PCTP: variants seen among roughly 807,000 people sequenced by gnomAD.
The protein encoded by PCTP is phosphatidylcholine transfer protein, also known as START domain-containing protein 2.
A neutral mutation model predicts 31.0 loss-of-function variants in PCTP; 27 were observed. The observed-to-expected ratio is 0.87, with a 90% CI of 0.64 to 1.20. The LOEUF is 1.20. Among genes scored for constraint, PCTP ranks in the 50% most tolerant of loss-of-function variants. The probability of loss-of-function intolerance (pLI) is 0.00; values close to 1 mark genes in which losing one functional copy is unlikely to be tolerated. For synonymous variants in PCTP, 108 were observed against 101.2 expected (o/e 1.07, Z -0.40); for missense variants, 287 against 268.2 (o/e 1.07, Z -0.49).
rs182882305 is a variant in PCTP, at chr17:55,767,323, C to T, written c.142-12C>T. 1.3e-6 allele frequency: 2 copies of T among 1,526,618 alleles called. No homozygotes were observed. The highest frequency in any genetic ancestry group is 2.3e-5 in the East Asian group (1 of 44,326). 94.6% of individuals were successfully genotyped at this position (1,526,618 alleles called of 1,614,324 possible). A position where few individuals can be genotyped will look rare whatever the true frequency, so the allele number is the denominator to read the frequency against. ...GAACCAATAGACATTTCTACCTGTT[C>T]TGTTTTTATAGAAGACTGGACTTTA... is the stretch of plus-strand genomic sequence containing the variant. On this transcript the variant is annotated splice_polypyrimidine_tract_variant and intron_variant, in intron 1 of 5. Coordinates refer to ENST00000268896, the MANE Select transcript of PCTP (RefSeq NM_021213.4).
intron 5 of PCTP, among the ~76,000 whole-genome samples, chr17:55,839,257 G>A (rs181614163): frequency 1.1e-4 from 17 of 152,230 alleles, no homozygotes; most frequent in African/African-American, 3.4e-4. Context: ...TAGAGATGAG[G>A]TATGCAAAGT....
At chr17:55,791,147 A>G (rs1358365809) in intron 3 of PCTP, among the ~76,000 whole-genome samples, 1 of 151,980 alleles carries the variant, frequency 6.6e-6, no homozygotes, top group East Asian at 1.9e-4. Context: ...CTTATACAAA[A>G]ATCAATTCAA....
intron 2 of PCTP, among the ~76,000 whole-genome samples, chr17:55,782,651 A>C (rs1313511462): frequency 6.6e-6 from 1 of 152,130 alleles, no homozygotes; most frequent in Admixed American, 6.5e-5. Context: ...CAACACTTTT[A>C]ATCTTCCTTC....
intron 2 of PCTP, chr17:55,769,659 C>T (rs1910871264): frequency 6.6e-6 from 1 of 152,234 alleles, no homozygotes; most frequent in South Asian, 2.1e-4. Context: ...GGAAATCTCA[C>T]TCTGGTCCAT....
At chr17:55,789,388 A>G (rs888116232) in intron 3 of PCTP, among the ~76,000 whole-genome samples, 3 of 152,216 alleles carry the variant, frequency 2.0e-5, no homozygotes, top group Non-Finnish European at 4.4e-5. Context: ...GTTCAGATAC[A>G]GGATTAATGT....
At chr17:55,791,308 A>C (rs1911965271) in intron 3 of PCTP, among the ~76,000 whole-genome samples, 1 of 150,664 alleles carries the variant, frequency 6.6e-6, no homozygotes, top group African/African-American at 2.4e-5. Flanking sequence ...GACAAATGGG[A>C]TCTAATTAAA....
chr17:55,792,772 A>T (rs963229965), intron 3 of PCTP, among the ~76,000 whole-genome samples: 1 of 152,142 alleles, frequency 6.6e-6, no homozygotes, highest in Non-Finnish European at 1.5e-5. Context: ...TTACTCACTC[A>T]CATGCAGTAT....
At chr17:55,758,739 A>G (rs753594126) in intron 1 of PCTP, among the ~76,000 whole-genome samples, 3 of 152,170 alleles carry the variant, frequency 2.0e-5, no homozygotes, top group African/African-American at 4.8e-5. Context: ...TGAGTGTGCA[A>G]CTGGGTAGAT....
At chr17:55,791,238 G>C (rs1000536131) in intron 3 of PCTP, among the ~76,000 whole-genome samples, 5 of 152,080 alleles carry the variant, frequency 3.3e-5, no homozygotes, top group African/African-American at 1.2e-4. Context: ...TCAGGACACA[G>C]GCATGGGCAA....
At chr17:55,796,985 A>G (rs1006980279) in intron 3 of PCTP, among the ~76,000 whole-genome samples, 2 of 152,092 alleles carry the variant, frequency 1.3e-5, no homozygotes, top group East Asian at 3.9e-4. Flanking sequence ...TAGTTCAAGG[A>G]TAATATTACT....
chr17:55,774,371 C>T (rs1911189021), intron 4 of PCTP, among the ~76,000 whole-genome samples: 1 of 152,122 alleles, frequency 6.6e-6, no homozygotes, highest in African/African-American at 2.4e-5. Flanking sequence ...AGGCCACCTG[C>T]TCTACCAGAA....
At chr17:55,762,197 T>G (rs1179565376) in intron 1 of PCTP, among the ~76,000 whole-genome samples, 1 of 152,086 alleles carries the variant, frequency 6.6e-6, no homozygotes, top group Admixed American at 6.6e-5. Context: ...TGGCTCAGGT[T>G]TAGGATGGGC....
At chr17:55,777,484 A>G (rs542051621), downstream of PCTP, 18 of 839,216 alleles carry the variant, frequency 2.1e-5, no homozygotes, top group Admixed American at 1.1e-3. Flanking sequence ...ACTTAAACAT[A>G]AAACATAATT....
downstream of PCTP, among the ~76,000 whole-genome samples, chr17:55,826,657 A>G (rs1417699909): frequency 6.6e-6 from 1 of 152,164 alleles, no homozygotes; most frequent in Non-Finnish European, 1.5e-5. Context: ...ATTGGCATCA[A>G]AGAACCTTCC....
intron 1 of PCTP, among the ~76,000 whole-genome samples, chr17:55,761,423 T>C (rs1257548222): frequency 6.6e-6 from 1 of 151,392 alleles, no homozygotes; most frequent in Non-Finnish European, 1.5e-5. Flanking sequence ...CTGCCTGGTT[T>C]CTTCTTGGGA....
intron 1 of PCTP, among the ~76,000 whole-genome samples, chr17:55,763,276 TA>T (rs1198914414): frequency 2.0e-5 from 3 of 152,214 alleles, no homozygotes; most frequent in Admixed American, 1.3e-4. Flanking sequence ...ATTGTTTGTA[TA>T]AACAATGGTG....
At position 55,773,795 on chromosome 17, in the gene PCTP, C is replaced by T; in HGVS notation, c.411C>T (p.Ser137=). 6.2e-7 allele frequency: 1 copy of T among 1,613,890 alleles called. No homozygotes were observed. The highest frequency in any genetic ancestry group is 8.5e-7 in the Non-Finnish European group (1 of 1,179,966). The change falls in exon 4 of 6, where the codon AGC becomes AGT. Residue 137 remains serine (S), a synonymous_variant. Coordinates refer to ENST00000268896, the MANE Select transcript of PCTP (RefSeq NM_021213.4). ...GRKIHVILAR[S]TSMPQLGERS... ...AGATCCATGTGATCCTGGCCCGGAG[C>T]ACCTCCATGCCTCAGCTTGGCGAGA...
At chr17:55,758,916 G>GC (rs1910191929) in intron 1 of PCTP, among the ~76,000 whole-genome samples, 5 of 152,166 alleles carry the variant, frequency 3.3e-5, no homozygotes, top group African/African-American at 1.2e-4. Context: ...CAAGCTTTAT[G>GC]CTCTCACTCT....
chr17:55,850,801 A>G, the PCTP span, among the ~76,000 whole-genome samples: 2 of 152,198 alleles, frequency 1.3e-5, no homozygotes, highest in East Asian at 3.9e-4. Flanking sequence ...AAAAGCTTTT[A>G]AAGATATAAT....
Sources: allele counts gnomAD v4.1 joint callset (sites outside exome capture counted in the v4.1 genomes callset), GRCh38; gene constraint gnomAD v4.1.1; transcripts MANE v1.5; gene names NCBI Gene and HGNC (gene_info 2026-07-23, HGNC 2026-07-21).